Variants in CELF2 observed in about 807,000 individuals in gnomAD.
CELF2 encodes CUG triplet repeat RNA-binding protein 2.
In CELF2, 8 loss-of-function variants were observed where a neutral mutation model predicts 62.6. That is an observed-to-expected ratio of 0.13 (90% CI 0.07 to 0.23). The LOEUF (loss-of-function observed/expected upper bound fraction) is 0.23. Ranked by LOEUF, CELF2 falls within the 10% of genes least tolerant of loss-of-function variation. The pLI is 1.00. For missense variants in CELF2, 333 were observed against 671.0 expected (o/e 0.50, Z 5.56); for synonymous variants, 258 against 250.0 (o/e 1.03, Z -0.30).
intron 2 of CELF2, among the ~76,000 whole-genome samples, chr10:11,208,432 C>T (rs1214926214): frequency 6.6e-6 from 1 of 152,176 alleles, no homozygotes; most frequent in East Asian, 1.9e-4. Context: ...TTAGGTTCCA[C>T]AAAGTATGGT....
the CELF2 span, among the ~76,000 whole-genome samples, chr10:10,502,170 A>G: frequency 6.6e-6 from 1 of 151,820 alleles, no homozygotes. Flanking sequence ...GTCGTGTTTT[A>G]TTAAGGATTT....
rs1048814100 is a variant in CELF2, at chr10:11,165,061, G to A, written c.75-425G>A. On this transcript the variant is annotated intron_variant, in intron 1 of 12. Coordinates refer to ENST00000633077, the MANE Select transcript of CELF2 (RefSeq NM_001326342.2). The surrounding 1 kb of genome is among the most constrained non-coding windows in gnomAD (Gnocchi z 7.4). The stretch of plus-strand genomic sequence containing the variant: ...GCGGTGGGGCGGGGGGCGGGGCAGG[G>A]AGAGGGAGAGAAATCCAGCAGACAT... 6.1e-6 allele frequency: 6 copies of A among 979,740 alleles called. No individual in the cohort carries two copies. In the African/African-American group the frequency reaches 1.1e-4, roughly 17 times the overall value. 60.7% of individuals were successfully genotyped at this position (979,740 alleles called of 1,614,324 possible).
chr10:10,506,711 C>G, the CELF2 span, among the ~76,000 whole-genome samples: 2 of 87,862 alleles, frequency 2.3e-5, no homozygotes, highest in Admixed American at 1.8e-4. Context: ...GATGGAGTCT[C>G]TGTTGTCCAG....
chr10:11,252,574 G>T (rs560843078), intron 4 of CELF2, among the ~76,000 whole-genome samples: 4 of 152,340 alleles, frequency 2.6e-5, no homozygotes, highest in African/African-American at 9.6e-5. Context: ...TCTGGGGTGA[G>T]CCCCGAAACG....
At chr10:10,671,464 T>A in the CELF2 span, among the ~76,000 whole-genome samples, 1 of 152,126 alleles carries the variant, frequency 6.6e-6, no homozygotes, top group Admixed American at 6.5e-5. Flanking sequence ...CTGTGATAGC[T>A]GGATCACATA....
At chr10:11,245,549 C>T (rs965251584) in intron 3 of CELF2, among the ~76,000 whole-genome samples, 1 of 152,140 alleles carries the variant, frequency 6.6e-6, no homozygotes, top group Non-Finnish European at 1.5e-5. Context: ...CCTGCTGAGC[C>T]CAGGAAAGAG....
At chr10:11,072,847 T>C (rs1362144438) in intron 1 of CELF2, among the ~76,000 whole-genome samples, 1 of 151,952 alleles carries the variant, frequency 6.6e-6, no homozygotes, top group Non-Finnish European at 1.5e-5. Context: ...AACGGAGGTA[T>C]GCTAACTGAG....
intron 1 of CELF2, among the ~76,000 whole-genome samples, chr10:11,141,430 A>G (rs1421166542): frequency 6.6e-6 from 1 of 152,250 alleles, no homozygotes; most frequent in Non-Finnish European, 1.5e-5. Flanking sequence ...ATAAGCCACA[A>G]GAAAGCTCCT....
chr10:11,319,739 G>C lies in CELF2; in HGVS notation c.1097-1450G>C. On this transcript the variant is annotated intron_variant, in intron 10 of 12. Coordinates refer to ENST00000633077, the MANE Select transcript of CELF2 (RefSeq NM_001326342.2). This position sits in a 1 kb window ranked among gnomAD's most constrained non-coding sequence, Gnocchi z 4.4. ...TCTGAGAAGCACAGGAATACCCGAG[G>C]TGAGGCACAATGACAGTCCTCCACT... 2.1e-6 allele frequency: 1 copy of C among 470,580 alleles called. No individual in the cohort carries two copies. Among genetic ancestry groups the C allele is most frequent in the Admixed American group, 2.3e-5 (1 of 42,560 alleles). The allele number at this position is 470,580 out of a possible 1,614,324, so 29.2% of individuals were successfully genotyped here.
At chr10:10,802,769 C>T (rs905060746) in intron 1 of CELF2, among the ~76,000 whole-genome samples, 2 of 152,204 alleles carry the variant, frequency 1.3e-5, no homozygotes, top group African/African-American at 4.8e-5. Context: ...ATTCCTCTTC[C>T]AACTCCATCC....
intron 1 of CELF2, among the ~76,000 whole-genome samples, chr10:11,083,474 G>A (rs573221764): frequency 6.6e-6 from 1 of 152,142 alleles, no homozygotes; most frequent in Non-Finnish European, 1.5e-5. Context: ...TCACGGAGGG[G>A]TGCCAAGACC....
At chr10:10,607,727 A>G in the CELF2 span, among the ~76,000 whole-genome samples, 1 of 152,238 alleles carries the variant, frequency 6.6e-6, no homozygotes, top group African/African-American at 2.4e-5. Flanking sequence ...GCCCAAGATC[A>G]CTAAAAATGA....
chr10:10,880,542 G>A (rs2061380898), intron 1 of CELF2, among the ~76,000 whole-genome samples: 1 of 152,144 alleles, frequency 6.6e-6, no homozygotes. Context: ...CTTCAAGTGA[G>A]ATTTGGGGTG....
chr10:10,657,573 C>T, the CELF2 span, among the ~76,000 whole-genome samples: 5 of 151,896 alleles, frequency 3.3e-5, no homozygotes, highest in African/African-American at 1.2e-4. Context: ...TGACTAATTC[C>T]CACAACACAA....
chr10:10,783,118 C>G, the CELF2 span, among the ~76,000 whole-genome samples: 1 of 152,110 alleles, frequency 6.6e-6, no homozygotes, highest in Non-Finnish European at 1.5e-5. Flanking sequence ...TCTGGTTAGT[C>G]CTGACTTCTT....
At chr10:11,128,694 A>G (rs1452561807) in intron 1 of CELF2, among the ~76,000 whole-genome samples, 2 of 152,174 alleles carry the variant, frequency 1.3e-5, no homozygotes, top group Non-Finnish European at 2.9e-5. Context: ...TTATTGGTGT[A>G]TAGGAATGCT....
At chr10:10,572,490 T>C in the CELF2 span, among the ~76,000 whole-genome samples, 1 of 152,136 alleles carries the variant, frequency 6.6e-6, no homozygotes, top group Non-Finnish European at 1.5e-5. Flanking sequence ...CTATTTTCCC[T>C]AATGCTCTCC....
chr10:10,733,909 T>C, the CELF2 span, among the ~76,000 whole-genome samples: 1 of 152,182 alleles, frequency 6.6e-6, no homozygotes, highest in Non-Finnish European at 1.5e-5. Flanking sequence ...TTAGCGACCC[T>C]CTTTAAGAAT....
At chr10:11,258,782 G>A (rs1179207152) in intron 5 of CELF2, among the ~76,000 whole-genome samples, 3 of 152,188 alleles carry the variant, frequency 2.0e-5, no homozygotes, top group African/African-American at 7.2e-5. Flanking sequence ...CACCTCCCAG[G>A]TTCAAGCAAT....
Sources: gnomAD v4.1 joint callset for allele counts (sites outside exome capture counted in the v4.1 genomes callset) on GRCh38, gnomAD v4.1.1 for gene constraint, Gnocchi (gnomAD v3.1) non-coding constraint, MANE v1.5 for transcripts, NCBI Gene and HGNC (gene_info 2026-07-23, HGNC 2026-07-21) for gene names.